HTR2C: variants seen among roughly 807,000 people sequenced by gnomAD.
HTR2C encodes 5-hydroxytryptamine (serotonin) receptor 2C, G protein-coupled.
Under a neutral mutation model 21.0 loss-of-function variants are expected in HTR2C, and 5 were observed. That is an observed-to-expected ratio of 0.24 (90% CI 0.12 to 0.50). The LOEUF is 0.50. HTR2C is among the 20% of genes least tolerant of loss of function. HTR2C has a pLI of 0.98. For missense variants in HTR2C, 271 were observed against 371.2 expected, an observed-to-expected ratio of 0.73 and a Z score of 2.22; for synonymous variants, 150 against 145.3, an observed-to-expected ratio of 1.03 and a Z score of -0.23.
chrX:114,668,250 T>C (rs1476101996), intron 2 of HTR2C, among the ~76,000 whole-genome samples: 1 of 111,897 alleles, frequency 8.9e-6, no homozygotes, highest in African/African-American at 3.2e-5. Flanking sequence ...TTTATCCTCC[T>C]AGCATAGATG....
At chrX:114,830,697 G>GT (rs1344014512) in intron 4 of HTR2C, among the ~76,000 whole-genome samples, 14 of 104,802 alleles carry the variant, frequency 1.3e-4, no homozygotes, top group Admixed American at 2.1e-4. Flanking sequence ...GCTGTTTTTT[G>GT]TTTTTTTTAT....
chrX:114,789,114 CT>C (rs1213537120), intron 4 of HTR2C, among the ~76,000 whole-genome samples: 1 of 111,941 alleles, frequency 8.9e-6, no homozygotes, highest in Non-Finnish European at 1.9e-5. Flanking sequence ...AGGCCTCCTC[CT>C]TAGTGACATT....
intron 5 of HTR2C, among the ~76,000 whole-genome samples, chrX:114,875,841 T>A (rs12353887): frequency 1.3e-3 from 94 of 73,569 alleles, no homozygotes; most frequent in African/African-American, 3.7e-3. Flanking sequence ...CCATCTTGAT[T>A]CCTCTTGCTT....
chrX:114,590,014 T>C (rs1453056748), intron 1 of HTR2C: 5 of 153,149 alleles, frequency 3.3e-5, no homozygotes, highest in Non-Finnish European at 6.1e-5. Flanking sequence ...ATCAGGAAGG[T>C]TTCAAGTCTT....
chrX:114,694,993 T>C (rs1415752962), intron 2 of HTR2C, among the ~76,000 whole-genome samples: 1 of 112,120 alleles, frequency 8.9e-6, no homozygotes, highest in Non-Finnish European at 1.9e-5. Context: ...TATTGACAAT[T>C]TGCCTCCCTT....
intron 4 of HTR2C, among the ~76,000 whole-genome samples, chrX:114,793,633 G>A (rs1319856236): frequency 2.7e-5 from 3 of 110,847 alleles, no homozygotes; most frequent in Admixed American, 9.7e-5. Context: ...TAGGGAGTAC[G>A]GGATTGAAAG....
chrX:114,802,996 C>T (rs1164648258), intron 4 of HTR2C, among the ~76,000 whole-genome samples: 2 of 82,893 alleles, frequency 2.4e-5, no homozygotes, highest in Non-Finnish European at 4.6e-5. Context: ...GTTTTTTGTT[C>T]TTGTGATAGT....
intron 4 of HTR2C, among the ~76,000 whole-genome samples, chrX:114,732,675 A>G (rs2069548589): frequency 9.0e-6 from 1 of 111,544 alleles, no homozygotes; most frequent in Admixed American, 9.6e-5. Context: ...TTAAAGCACT[A>G]GTATTTTATC....
intron 5 of HTR2C, among the ~76,000 whole-genome samples, chrX:114,860,077 A>T (rs1447453165): frequency 9.9e-5 from 11 of 111,286 alleles, no homozygotes; most frequent in Admixed American, 6.7e-4. Flanking sequence ...TGGCCAGCAT[A>T]TGGTTTACAG....
intron 4 of HTR2C, among the ~76,000 whole-genome samples, chrX:114,815,352 G>T (rs1556454139): frequency 9.0e-6 from 1 of 111,206 alleles, no homozygotes; most frequent in East Asian, 2.8e-4. Context: ...AACTAAAACT[G>T]CTTCTTTTGA....
chrX:114,898,880 C>G (rs2071316582), intron 5 of HTR2C, among the ~76,000 whole-genome samples: 1 of 111,595 alleles, frequency 9.0e-6, no homozygotes, highest in African/African-American at 3.3e-5. Context: ...TATTTGGGCT[C>G]TTTTTTGGTT....
At chrX:114,876,920 T>C (rs1373158273) in intron 5 of HTR2C, among the ~76,000 whole-genome samples, 6 of 111,247 alleles carry the variant, frequency 5.4e-5, no homozygotes, top group Admixed American at 3.8e-4. Context: ...TTTTGTTTTG[T>C]TGTTATCTGG....
chrX:114,603,890 C>T (rs1395925424), intron 1 of HTR2C, among the ~76,000 whole-genome samples: 4 of 103,095 alleles, frequency 3.9e-5, no homozygotes, highest in Admixed American at 2.2e-4. Context: ...GTTGATAAGG[C>T]GCAGATCCTG....
intron 3 of HTR2C, among the ~76,000 whole-genome samples, chrX:114,729,821 T>TA (rs2069518716): frequency 9.0e-6 from 1 of 111,190 alleles, no homozygotes; most frequent in African/African-American, 3.3e-5. Context: ...GGAGAACACA[T>TA]AGACTCTGAA....
chrX:114,869,810 G>A (rs1284028953), intron 5 of HTR2C, among the ~76,000 whole-genome samples: 1 of 111,468 alleles, frequency 9.0e-6, no homozygotes, highest in Non-Finnish European at 1.9e-5. Context: ...TGTCATATAT[G>A]GCTTTTATTA....
chrX:114,874,061 A>G (rs1370953675), intron 5 of HTR2C, among the ~76,000 whole-genome samples: 1 of 110,408 alleles, frequency 9.1e-6, no homozygotes, highest in Non-Finnish European at 1.9e-5. Flanking sequence ...TATTTCATTT[A>G]CCATAATATC....
chrX:114,632,443 C>A (rs959132776), intron 2 of HTR2C, among the ~76,000 whole-genome samples: 1 of 111,367 alleles, frequency 9.0e-6, no homozygotes, highest in African/African-American at 3.3e-5. Flanking sequence ...ATTTCATTTA[C>A]AATCTTACTA....
chrX:114,591,031 A>G (rs1927606807), intron 1 of HTR2C, among the ~76,000 whole-genome samples: 1 of 112,057 alleles, frequency 8.9e-6, no homozygotes, highest in African/African-American at 3.2e-5. Flanking sequence ...TGTTAAAGGA[A>G]ATCAGACATT....
chrX:114,707,318 G>A (rs145665077), intron 2 of HTR2C, among the ~76,000 whole-genome samples: 1 of 111,374 alleles, frequency 9.0e-6, no homozygotes, highest in Admixed American at 9.6e-5. Flanking sequence ...CTACTTGAGA[G>A]AAAGAGGTGA....
Sources: gnomAD v4.1 joint callset for allele counts (sites outside exome capture counted in the v4.1 genomes callset) on GRCh38, gnomAD v4.1.1 for gene constraint, MANE v1.5 for transcripts, NCBI Gene and HGNC (gene_info 2026-07-23, HGNC 2026-07-21) for gene names.